Variants in PLCXD3 observed in about 807,000 individuals in gnomAD.
The protein encoded by PLCXD3 is PI-PLC X domain-containing protein 3.
Under a neutral mutation model 25.5 loss-of-function variants are expected in PLCXD3, and 19 were observed. The observed-to-expected ratio is 0.75, with a 90% CI of 0.52 to 1.09. The LOEUF (loss-of-function observed/expected upper bound fraction) is 1.09, where lower values mean the gene tolerates loss of function less well. PLCXD3 is among the 50% of genes least tolerant of loss of function. The probability of loss-of-function intolerance (pLI) is 0.00; values close to 1 mark genes in which losing one functional copy is unlikely to be tolerated. For missense variants in PLCXD3, 411 were observed against 388.1 expected (o/e 1.06, Z -0.50); for synonymous variants, 174 against 137.6 (o/e 1.26, Z -1.85).
chr5:41,475,948 T>C lies in PLCXD3; in HGVS notation c.103+34476A>G, dbSNP rs1403121663. On this transcript the variant is annotated intron_variant, in intron 1 of 2. Coordinates refer to ENST00000377801, the MANE Select transcript of PLCXD3 (RefSeq NM_001005473.3). The stretch of plus-strand genomic sequence containing the variant: ...GCCCCTGAGCTTTCATAGCCCTTTG[T>C]ATTTATTGGGTAGCAAGAGCAAGGA... Among the ~76,000 whole-genome samples the C allele has an allele frequency of 3.9e-5, 6 of 152,202 alleles. No homozygotes were observed. In the South Asian group the frequency reaches 1.2e-3, roughly 32 times the overall value.
chr5:41,386,914 A>G (rs975556769), intron 1 of PLCXD3, among the ~76,000 whole-genome samples: 2 of 151,976 alleles, frequency 1.3e-5, no homozygotes, highest in African/African-American at 2.4e-5. Flanking sequence ...GTAGCTGTCC[A>G]TAAGCATCAT....
chr5:41,322,120 A>G (rs1743490054), intron 2 of PLCXD3, among the ~76,000 whole-genome samples: 1 of 152,230 alleles, frequency 6.6e-6, no homozygotes, highest in South Asian at 2.1e-4. Context: ...AGTGAAGGAT[A>G]CAATCAACAA....
At chr5:41,321,166 G>T (rs1347616890) in intron 2 of PLCXD3, among the ~76,000 whole-genome samples, 1 of 152,200 alleles carries the variant, frequency 6.6e-6, no homozygotes, top group East Asian at 1.9e-4. Flanking sequence ...TCCCTTGTTT[G>T]CAGATGATAT....
chr5:41,474,613 A>T (rs1748239417), intron 1 of PLCXD3, among the ~76,000 whole-genome samples: 1 of 152,166 alleles, frequency 6.6e-6, no homozygotes, highest in Non-Finnish European at 1.5e-5. Flanking sequence ...TGTACTTCCA[A>T]ATCCCTGATT....
intron 2 of PLCXD3, 119 bp downstream of exon 2, chr5:41,381,707 C>T (rs950803751): frequency 5.9e-6 from 5 of 840,684 alleles, no homozygotes; most frequent in African/African-American, 1.7e-5. Context: ...TGGTACTTTG[C>T]TATTGCAGCC....
intron 1 of PLCXD3, chr5:41,475,754 C>A (rs1748270321): frequency 3.7e-6 from 2 of 533,830 alleles, no homozygotes; most frequent in South Asian, 2.8e-5. Context: ...TCTGTTACTA[C>A]TTGAGACCAT....
At chr5:41,411,412 G>A (rs1490995554) in intron 1 of PLCXD3, among the ~76,000 whole-genome samples, 1 of 152,140 alleles carries the variant, frequency 6.6e-6, no homozygotes, top group African/African-American at 2.4e-5. Context: ...TTGAGGGTTG[G>A]GGATTATTTC....
rs143743473 is a variant in PLCXD3 at position 41,497,440 on chromosome 5, C to T, written c.103+12984G>A. On this transcript the variant is annotated intron_variant, in intron 1 of 2. Transcript: ENST00000377801. ...TATTGCTGCAAGAGACAAAGAAGGG[C>T]ATTATATGATGATATAATTGGATGA... Among the ~76,000 whole-genome samples the T allele has an allele frequency of 4.8e-3, 734 of 151,620 alleles. 7 individuals carry two copies. The highest frequency in any genetic ancestry group is 0.017 in the African/African-American group (693 of 41,430).
chr5:41,319,712 A>G (rs1016827894), intron 2 of PLCXD3, among the ~76,000 whole-genome samples: 3 of 152,160 alleles, frequency 2.0e-5, no homozygotes, highest in African/African-American at 7.2e-5. Flanking sequence ...CTAGAAAACC[A>G]AGAAAAAACC....
chr5:41,401,803 C>T (rs891017244), intron 1 of PLCXD3, among the ~76,000 whole-genome samples: 8 of 152,058 alleles, frequency 5.3e-5, no homozygotes, highest in Admixed American at 2.0e-4. Flanking sequence ...TAAAATGAGG[C>T]TATTTACTTA....
intron 1 of PLCXD3, among the ~76,000 whole-genome samples, chr5:41,410,645 T>C (rs1008504844): frequency 6.6e-6 from 1 of 152,132 alleles, no homozygotes; most frequent in Non-Finnish European, 1.5e-5. Flanking sequence ...GAGGCTCAAG[T>C]GTAGGGCACC....
chr5:41,374,423 TC>T (rs1193789723), intron 2 of PLCXD3, among the ~76,000 whole-genome samples: 1 of 152,174 alleles, frequency 6.6e-6, no homozygotes, highest in Non-Finnish European at 1.5e-5. Context: ...TCTGAATTGG[TC>T]CCGGCACTGG....
chr5:41,358,072 C>T (rs897451424), intron 2 of PLCXD3, among the ~76,000 whole-genome samples: 1 of 152,192 alleles, frequency 6.6e-6, no homozygotes, highest in African/African-American at 2.4e-5. Context: ...TGAAAGCTAA[C>T]ATTTATTGAT....
intron 2 of PLCXD3, among the ~76,000 whole-genome samples, chr5:41,351,642 A>G (rs112315099): frequency 0.014 from 2,191 of 152,272 alleles, 64 homozygotes; most frequent in African/African-American, 0.051. Context: ...ATTTAAAATG[A>G]AGTTTCTATA....
chr5:41,493,818 G>T (rs546002079), intron 1 of PLCXD3, among the ~76,000 whole-genome samples: 1 of 152,290 alleles, frequency 6.6e-6, no homozygotes. Flanking sequence ...GGAGTGACCC[G>T]ATTTTCCAGG....
chr5:41,334,238 A>C (rs566348472), intron 2 of PLCXD3, among the ~76,000 whole-genome samples: 99 of 151,694 alleles, frequency 6.5e-4, no homozygotes, highest in Non-Finnish European at 1.2e-3. Context: ...TCCATTTGTA[A>C]GATTAGCAAT....
Position 41,382,510 on chromosome 5 carries a change from T to G in PLCXD3, c.128A>C (p.Tyr43Ser). Reference protein sequence around the residue: ...IPGSHDSFSFYIDEASPVGPE... With the variant: ...IPGSHDSFSFSIDEASPVGPE... ...ACCTACTGGAGAGGCTTCATCAATG[T>G]AGAAGCTGAAGGAATCATGAGACCC... The change falls in exon 2 of 3, where the codon TAC (tyrosine) becomes TCC (serine). Residue 43 changes from tyrosine to serine, a missense_variant. Tyr to Ser is a moderately radical substitution (Grantham distance 144). Coordinates refer to ENST00000377801, the MANE Select transcript of PLCXD3 (RefSeq NM_001005473.3). The G allele has an allele frequency of 6.2e-7, 1 of 1,600,912 alleles. No individual in the cohort carries two copies. The highest frequency in any genetic ancestry group is 1.1e-5 in the South Asian group (1 of 90,610).
Position 41,452,657 on chromosome 5 carries a change from C to CAAAT in PLCXD3, c.103+57766_103+57767insATTT, listed in dbSNP as rs1289144629. Among the ~76,000 whole-genome samples, 14 of 152,172 alleles carry CAAAT rather than the reference C, an allele frequency of 9.2e-5. No individual in the cohort carries two copies. The East Asian group carries it at 2.7e-3, about 29-fold the overall frequency. On this transcript the variant is annotated intron_variant, in intron 1 of 2. Coordinates refer to ENST00000377801, the MANE Select transcript of PLCXD3 (RefSeq NM_001005473.3). Reference sequence around the variant, plus strand: ...CAAGTTGCCCCTCTGCACCCATGAGCATTTCTGTATAATCTACTTCAAGGT... The same window carrying CAAAT: ...CAAGTTGCCCCTCTGCACCCATGAGCAAATATTTCTGTATAATCTACTTCAAGGT...
intron 1 of PLCXD3, among the ~76,000 whole-genome samples, chr5:41,493,309 T>TCCTC: frequency 6.6e-6 from 1 of 152,132 alleles, no homozygotes; most frequent in Non-Finnish European, 1.5e-5. Flanking sequence ...CTCAGAGGAG[T>TCCTC]ACCTGGCCGT....
Sources: gnomAD v4.1 joint callset for allele counts (sites outside exome capture counted in the v4.1 genomes callset) on GRCh38, gnomAD v4.1.1 for gene constraint, MANE v1.5 for transcripts, NCBI Gene and HGNC (gene_info 2026-07-23, HGNC 2026-07-21) for gene names.